LMCD1: variants seen among roughly 807,000 people sequenced by gnomAD.
The protein encoded by LMCD1 is LIM and cysteine-rich domains protein 1.
A neutral mutation model predicts 42.7 loss-of-function variants in LMCD1; 32 were observed. That is an observed-to-expected ratio of 0.75 (90% CI 0.57 to 1.01). The LOEUF is 1.01. LMCD1 is among the 50% of genes least tolerant of loss of function. The pLI is 0.00. For missense variants in LMCD1, 458 were observed against 483.1 expected, an observed-to-expected ratio of 0.95 and a Z score of 0.49; for synonymous variants, 178 against 184.9, an observed-to-expected ratio of 0.96 and a Z score of 0.30.
chr3:8,557,956 A>G (rs1366587541), intron 4 of LMCD1, among the ~76,000 whole-genome samples: 2 of 151,970 alleles, frequency 1.3e-5, no homozygotes, highest in East Asian at 1.9e-4. Flanking sequence ...CCCTCCATTG[A>G]CCTCCTTGAC....
At chr3:8,503,917 T>C (rs1276273587) in intron 1 of LMCD1, among the ~76,000 whole-genome samples, 5 of 152,204 alleles carry the variant, frequency 3.3e-5, no homozygotes, top group Admixed American at 6.5e-5. Context: ...CAGTCCTGTG[T>C]TGCCACTTGG....
intron 2 of LMCD1, among the ~76,000 whole-genome samples, 199 bp from the exon 3 acceptor site, chr3:8,536,986 A>ATAT (rs549241460): frequency 2.6e-5 from 4 of 152,210 alleles, no homozygotes; most frequent in Non-Finnish European, 5.9e-5. Context: ...TCACTGATAG[A>ATAT]TTAATACAAA....
chr3:8,556,002 T>G (rs946394148), intron 4 of LMCD1, among the ~76,000 whole-genome samples: 20 of 152,202 alleles, frequency 1.3e-4, no homozygotes, highest in African/African-American at 4.6e-4. Context: ...ACCCCTGAAC[T>G]GGAAGAATCA....
In LMCD1 at chr3:8,548,661, C is replaced by G. The variant is rs781718788; in HGVS notation, c.481C>G (p.Leu161Val). ...FYRRRQLMHQ[L>V]PIYDQDPSRC... ...CCGCCGCCGCCAGCTCATGCACCAG[C>G]TCCCCATCTATGACCAGGATCCCTC... Residue 161 changes from leucine (L) to valine (V), a missense_variant, in exon 4 of 6, where the codon CTC becomes GTC. Transcript: ENST00000157600. 6.2e-7 allele frequency: 1 copy of G among 1,614,218 alleles called. No individual in the cohort carries two copies.
At chr3:8,550,251 CCT>C (rs1335209290) in intron 4 of LMCD1, 21 of 1,064,208 alleles carry the variant, frequency 2.0e-5, no homozygotes, top group Non-Finnish European at 2.2e-5. Flanking sequence ...GTCCCCAGCC[CCT>C]GTTTTACCTT....
chr3:8,517,011 C>G (rs149014498), intron 1 of LMCD1, among the ~76,000 whole-genome samples: 1 of 152,334 alleles, frequency 6.6e-6, no homozygotes, highest in East Asian at 1.9e-4. Flanking sequence ...ACAATCATCC[C>G]ATTTTGCAGA....
intron 4 of LMCD1, among the ~76,000 whole-genome samples, chr3:8,559,623 G>T (rs1694992198): frequency 6.6e-6 from 1 of 152,202 alleles, no homozygotes; most frequent in Admixed American, 6.5e-5. Context: ...GACTAAGTTT[G>T]TGCTGAGAAA....
chr3:8,553,602 G>T (rs912985413), intron 4 of LMCD1, among the ~76,000 whole-genome samples: 6 of 151,950 alleles, frequency 3.9e-5, no homozygotes, highest in African/African-American at 1.4e-4. Flanking sequence ...GCCAGCAGAC[G>T]GGCCCTACTG....
At position 8,569,386 on chromosome 3, in the gene LMCD1, CAGTG is replaced by C. The variant is rs1695178941; in HGVS notation, c.*1790_*1793del. On this transcript the variant is annotated 3_prime_UTR_variant, in exon 6 of 6. Coordinates refer to ENST00000157600, the MANE Select transcript of LMCD1 (RefSeq NM_014583.4). ...CTTCTCTGGCACTTTCCTGAAGCAC[CAGTG>C]AAATATTCACCAATTCATCATTCAT... The C allele has an allele frequency of 6.6e-6, 1 of 152,186 alleles. No homozygotes were observed. Among genetic ancestry groups the C allele is most frequent in the Non-Finnish European group, 1.5e-5 (1 of 68,052 alleles). The allele number at this position is 152,186 out of a possible 1,614,324, so 9.4% of individuals were successfully genotyped here.
intron 3 of LMCD1, among the ~76,000 whole-genome samples, chr3:8,540,882 C>T (rs1008964865): frequency 3.9e-5 from 6 of 152,172 alleles, no homozygotes; most frequent in Non-Finnish European, 8.8e-5. Flanking sequence ...ACTCATACCT[C>T]GCCCTCTGCT....
intron 3 of LMCD1, among the ~76,000 whole-genome samples, chr3:8,540,544 A>C (rs1371167248): frequency 2.0e-5 from 3 of 152,096 alleles, no homozygotes; most frequent in Non-Finnish European, 4.4e-5. Context: ...GGCCACCCTG[A>C]CTCCAAAGTT....
At chr3:8,545,736 C>T (rs1559353725) in intron 3 of LMCD1, among the ~76,000 whole-genome samples, 1 of 152,158 alleles carries the variant, frequency 6.6e-6, no homozygotes, top group Non-Finnish European at 1.5e-5. Flanking sequence ...AGTAATTTTT[C>T]GCAGGGTTAT....
At chr3:8,532,027 G>C (rs1313435346) in intron 1 of LMCD1, among the ~76,000 whole-genome samples, 2 of 152,202 alleles carry the variant, frequency 1.3e-5, no homozygotes, top group African/African-American at 4.8e-5. Flanking sequence ...GATTCAAACA[G>C]GCTGGAGTCG....
chr3:8,523,183 C>G (rs770162166), intron 1 of LMCD1, among the ~76,000 whole-genome samples: 9 of 152,216 alleles, frequency 5.9e-5, no homozygotes, highest in Admixed American at 2.0e-4. Context: ...GGGCTCATCT[C>G]AATTTGTTTA....
At chr3:8,525,867 C>CA (rs1694290079) in intron 1 of LMCD1, among the ~76,000 whole-genome samples, 1 of 152,152 alleles carries the variant, frequency 6.6e-6, no homozygotes, top group Admixed American at 6.5e-5. Flanking sequence ...GAGATTGTGG[C>CA]AAAATTTGCC....
chr3:8,566,634 G>A (rs192398483), intron 5 of LMCD1, among the ~76,000 whole-genome samples: 28 of 152,228 alleles, frequency 1.8e-4, no homozygotes, highest in African/African-American at 5.8e-4. Context: ...CATACTTTAC[G>A]TACAACATGC....
chr3:8,555,926 A>G lies in LMCD1; in HGVS notation c.723+7023A>G, dbSNP rs77765523. On this transcript the variant is annotated intron_variant, in intron 4 of 5. Coordinates refer to ENST00000157600, the MANE Select transcript of LMCD1 (RefSeq NM_014583.4). Reference sequence around the variant, plus strand: ...AACAGATGACCCTGGCTGTGTTCCAATCAAACTGTATTTACATAAACAGGC... The same window carrying G: ...AACAGATGACCCTGGCTGTGTTCCAGTCAAACTGTATTTACATAAACAGGC... Among the ~76,000 whole-genome samples, 1,172 of 152,242 alleles carry G rather than the reference A, an allele frequency of 7.7e-3. 17 individuals are homozygous for G. The highest frequency in any genetic ancestry group is 0.027 in the African/African-American group (1,133 of 41,528).
At chr3:8,546,778 AAATC>A (rs1694744056) in intron 3 of LMCD1, among the ~76,000 whole-genome samples, 1 of 152,224 alleles carries the variant, frequency 6.6e-6, no homozygotes, top group South Asian at 2.1e-4. Context: ...GTGAAGGTAG[AAATC>A]AAGCCTATCA....
chr3:8,524,148 G>A (rs1041355583), intron 1 of LMCD1, among the ~76,000 whole-genome samples: 2 of 140,900 alleles, frequency 1.4e-5, no homozygotes, highest in African/African-American at 2.7e-5. Flanking sequence ...GTGGGAAAGT[G>A]AAAAAAGCCT....
Sources: allele counts gnomAD v4.1 joint callset (sites outside exome capture counted in the v4.1 genomes callset), GRCh38; gene constraint gnomAD v4.1.1; transcripts MANE v1.5; gene names NCBI Gene and HGNC (gene_info 2026-07-23, HGNC 2026-07-21).